SLFN5: variants seen among roughly 807,000 people sequenced by gnomAD.
The protein encoded by SLFN5 is schlafen family member 5.
Under a neutral mutation model 48.5 loss-of-function variants are expected in SLFN5, and 34 were observed. That is an observed-to-expected ratio of 0.70 (90% confidence interval 0.53 to 0.93). SLFN5 has a LOEUF of 0.93. Ranked by LOEUF, SLFN5 falls within the 40% of genes least tolerant of loss-of-function variation. SLFN5 has a pLI of 0.00. For synonymous variants in SLFN5, 387 were observed against 396.2 expected, an observed-to-expected ratio of 0.98 and a Z score of 0.28; for missense variants, 1,006 against 1,071.3, an observed-to-expected ratio of 0.94 and a Z score of 0.85.
At position 35,265,751 on chromosome 17, in the gene SLFN5, C is replaced by T. The variant is rs146569957; in HGVS notation, c.2539C>T (p.Arg847Ter). 6 of 1,614,112 alleles carry T rather than the reference C, an allele frequency of 3.7e-6. 1 individual carries two copies. The highest frequency in any genetic ancestry group is 4.5e-5 in the East Asian group (2 of 44,874). Reference sequence around the variant, plus strand: ...TCACATTGTGTTGGACAGTGTCTGTCGATTTTCAGGCCTGGAAAGAAATAT... The same window carrying T: ...TCACATTGTGTTGGACAGTGTCTGTTGATTTTCAGGCCTGGAAAGAAATAT... ...TDHIVLDSVCRFSGLERNIVF... is the reference protein window; with the variant it reads ...TDHIVLDSVC The change falls in exon 5 of 5, where the codon CGA (arginine) becomes TGA (stop). Residue 847 changes from arginine to a stop codon, truncating the protein, a stop_gained. Transcript: ENST00000299977. LOFTEE classifies it low-confidence loss of function (END_TRUNC).
chr17:35,264,906 A>G lies in SLFN5; in HGVS notation c.1859+3A>G, dbSNP rs545870898. The stretch of plus-strand genomic sequence containing the variant: ...CAGCCCCTGAAGAAGTTGGTGAGGT[A>G]TGCTGCTTGTCTGTGTTCACTTTAT... On this transcript the variant is annotated splice_donor_region_variant and intron_variant, in intron 4 of 4. Transcript: ENST00000299977. 5.2e-6 allele frequency: 8 copies of G among 1,552,276 alleles called. No individual in the cohort carries two copies. Among genetic ancestry groups the G allele is most frequent in the Middle Eastern group, 1.7e-4 (1 of 5,744 alleles).
At chr17:35,258,623 C>G (rs1904411931) in intron 1 of SLFN5, 28 bp from the exon 2 acceptor site, 1 of 1,543,590 alleles carries the variant, frequency 6.5e-7, no homozygotes, top group Admixed American at 1.9e-5. Context: ...TTGTCCTGTT[C>G]TAATGGTTCT....
At chr17:35,250,843 A>G (rs762906519) in intron 1 of SLFN5, among the ~76,000 whole-genome samples, 5 of 152,172 alleles carry the variant, frequency 3.3e-5, no homozygotes, top group Non-Finnish European at 7.3e-5. Context: ...CTAAATTACA[A>G]TTTTACCAAA....
At chr17:35,252,415 G>T (rs1478413106) in intron 1 of SLFN5, among the ~76,000 whole-genome samples, 1 of 152,050 alleles carries the variant, frequency 6.6e-6, no homozygotes, top group East Asian at 1.9e-4. Context: ...AGAGTGAAAA[G>T]CCCTGTCTCT....
chr17:35,255,875 G>T (rs374573035), intron 1 of SLFN5, among the ~76,000 whole-genome samples: 178 of 152,098 alleles, frequency 1.2e-3, no homozygotes, highest in African/African-American at 3.8e-3. Flanking sequence ...CCAAACAGAG[G>T]TAGCCACTAT....
intron 3 of SLFN5, among the ~76,000 whole-genome samples, chr17:35,261,584 G>A (rs564693845): frequency 6.7e-6 from 1 of 149,970 alleles, no homozygotes; most frequent in Admixed American, 6.7e-5. Context: ...GCCCAGGTTG[G>A]TTTCAAGCTC....
In SLFN5 at chr17:35,258,726, TGA is replaced by T; in HGVS notation, c.38_39del (p.Glu13ValfsTer28). The T allele has an allele frequency of 6.2e-7, 1 of 1,614,038 alleles. No individual in the cohort carries two copies. The highest frequency in any genetic ancestry group is 8.5e-7 in the Non-Finnish European group (1 of 1,179,968). Reference sequence around the variant, plus strand: ...GGATTGATGTGGATACAAACTTTCCTGAGTGTGTTGTAGATGCAGGAAAAGTC... The same window carrying T: ...GGATTGATGTGGATACAAACTTTCCTGTGTGTTGTAGATGCAGGAAAAGTC... The part of the protein sequence containing the change: ...LRIDVDTNFP[E>X]CVVDAGKVTL... On this transcript the variant is annotated frameshift_variant, in exon 2 of 5. Transcript: ENST00000299977. LOFTEE classifies it high-confidence loss of function.
intron 1 of SLFN5, among the ~76,000 whole-genome samples, chr17:35,256,228 A>G (rs1226715422): frequency 6.6e-6 from 1 of 152,122 alleles, no homozygotes; most frequent in East Asian, 1.9e-4. Context: ...GAATGGTGGC[A>G]GGCACCTGTA....
rs757027597 is a variant in SLFN5, at chr17:35,270,406, C to A, written c.*4518C>A. ...CCATATGCATAGCCATCCTCACAACCAAGAAAAGCGCCTCTCCATGAACTA... is the reference window on the plus strand; with the variant it reads ...CCATATGCATAGCCATCCTCACAACAAAGAAAAGCGCCTCTCCATGAACTA... On this transcript the variant is annotated 3_prime_UTR_variant, in exon 5 of 5. Transcript: ENST00000299977. 1 of 152,150 alleles carries A rather than the reference C, an allele frequency of 6.6e-6. No homozygotes were observed. The highest frequency in any genetic ancestry group is 2.4e-5 in the African/African-American group (1 of 41,422). The allele number at this position is 152,150 out of a possible 1,614,324, so 9.4% of individuals were successfully genotyped here. A position where few individuals can be genotyped will look rare whatever the true frequency, so the allele number is the denominator to read the frequency against.
chr17:35,254,982 ACTACAGC>A (rs1413049253), intron 1 of SLFN5, among the ~76,000 whole-genome samples: 1 of 152,350 alleles, frequency 6.6e-6, no homozygotes, highest in African/African-American at 2.4e-5. Flanking sequence ...ACACCACTGC[ACTACAGC>A]CTGGGCAATA....
In SLFN5 at chr17:35,264,800, A is replaced by G. The variant is rs1904626261; in HGVS notation, c.1756A>G (p.Ile586Val). The G allele has an allele frequency of 1.3e-6, 2 of 1,597,562 alleles. No individual in the cohort carries two copies. Among genetic ancestry groups the G allele is most frequent in the Non-Finnish European group, 8.5e-7 (1 of 1,174,066 alleles). ...TGGCTTACCTGGATCAGGGAAGACT[A>G]TCTTGGCTCTTAGGATCATGGAGAA... ...VHGLPGSGKT[I>V]LALRIMEKIR... The change falls in exon 4 of 5, where the codon ATC becomes GTC. Residue 586 changes from isoleucine to valine, a missense_variant. Physicochemically the swap from Ile to Val is conservative, Grantham distance 29 (BLOSUM62 3). Transcript: ENST00000299977.
chr17:35,254,002 C>T (rs2142692787), intron 1 of SLFN5, among the ~76,000 whole-genome samples: 1 of 152,000 alleles, frequency 6.6e-6, no homozygotes, highest in Admixed American at 6.6e-5. Flanking sequence ...CTGGCCAACA[C>T]TTCTTATCCT....
chr17:35,250,055 A>G (rs1456751628), intron 1 of SLFN5, among the ~76,000 whole-genome samples: 1 of 152,220 alleles, frequency 6.6e-6, no homozygotes, highest in Non-Finnish European at 1.5e-5. Context: ...CCTATCCCCT[A>G]GTAACACTCC....
intron 1 of SLFN5, among the ~76,000 whole-genome samples, chr17:35,245,833 T>C (rs913258029): frequency 2.6e-5 from 4 of 152,206 alleles, no homozygotes; most frequent in Non-Finnish European, 2.9e-5. Context: ...TATGCTTTTT[T>C]TTTTTTTTCC....
chr17:35,265,540 A>C lies in SLFN5; in HGVS notation c.2328A>C (p.Lys776Asn), dbSNP rs145006993. The C allele has an allele frequency of 6.8e-6, 11 of 1,614,142 alleles. No individual in the cohort carries two copies. In the African/African-American group the frequency reaches 1.5e-4, roughly 22 times the overall value. Residue 776 changes from lysine to asparagine, a missense_variant, in exon 5 of 5, where the codon AAA becomes AAC. By Grantham distance (94) the Lys-to-Asn change is moderately conservative (BLOSUM62 0). Transcript: ENST00000299977. Reference protein sequence around the residue: ...LEEILIYVANKCRFLLRNGYS... With the variant: ...LEEILIYVANNCRFLLRNGYS... ...AGATACTGATCTATGTAGCGAATAA[A>C]TGCCGTTTTCTCTTGCGGAATGGTT...
At position 35,266,443 on chromosome 17, in the gene SLFN5, C is replaced by G. The variant is rs1277380895; in HGVS notation, c.*555C>G. On this transcript the variant is annotated 3_prime_UTR_variant, in exon 5 of 5. Transcript: ENST00000299977. ...CAAGACATGTTTTGAAATGTAAGAT[C>G]ACAGACTGTTTTTTGCAAGACCACA... 6.6e-6 allele frequency: 1 copy of G among 152,326 alleles called. No homozygotes were observed. The highest frequency in any genetic ancestry group is 1.5e-5 in the Non-Finnish European group (1 of 68,136). 9.4% of individuals were successfully genotyped at this position (152,326 alleles called of 1,614,324 possible).
chr17:35,255,287 GA>G (rs1328565461), intron 1 of SLFN5, among the ~76,000 whole-genome samples: 3 of 152,310 alleles, frequency 2.0e-5, no homozygotes, highest in African/African-American at 7.2e-5. Flanking sequence ...TTTAAATGGT[GA>G]ATCTATAAGT....
intron 3 of SLFN5, among the ~76,000 whole-genome samples, chr17:35,263,849 A>T (rs1450741232): frequency 2.0e-5 from 3 of 150,524 alleles, no homozygotes; most frequent in Non-Finnish European, 4.4e-5. Context: ...AAAAGAAAAA[A>T]GAAAAAAAAG....
intron 1 of SLFN5, among the ~76,000 whole-genome samples, chr17:35,255,161 G>A (rs899929642): frequency 6.6e-6 from 1 of 152,052 alleles, no homozygotes; most frequent in Admixed American, 6.5e-5. Flanking sequence ...CTTCTAATTA[G>A]AAAAAGGATT....
Sources: allele counts gnomAD v4.1 joint callset (sites outside exome capture counted in the v4.1 genomes callset), GRCh38; gene constraint gnomAD v4.1.1; transcripts MANE v1.5; gene names NCBI Gene and HGNC (gene_info 2026-07-23, HGNC 2026-07-21).